Variants in ADAMTSL3 observed in about 807,000 individuals in gnomAD.
ADAMTSL3 encodes ADAMTS like 3, also known as ADAMTS-like protein 3.
ADAMTSL3 carries 128 observed loss-of-function variants against 201.7 expected under a neutral mutation model. That is an observed-to-expected ratio of 0.63 (90% confidence interval 0.55 to 0.73). The LOEUF is 0.73. Among genes scored for constraint, ADAMTSL3 ranks in the 30% least tolerant of loss-of-function variants. ADAMTSL3 has a pLI of 0.00. For synonymous variants in ADAMTSL3, 738 were observed against 748.4 expected (o/e 0.99, Z 0.23); for missense variants, 1,990 against 2,119.6 (o/e 0.94, Z 1.20).
intron 3 of ADAMTSL3, among the ~76,000 whole-genome samples, chr15:83,722,633 AATT>A (rs1278771176): frequency 6.6e-6 from 1 of 152,208 alleles, no homozygotes. Flanking sequence ...CTTCTGAAGA[AATT>A]ATTCATGCAA....
chr15:83,835,655 A>G (rs1277925878), intron 6 of ADAMTSL3, among the ~76,000 whole-genome samples: 1 of 152,196 alleles, frequency 6.6e-6, no homozygotes, highest in Non-Finnish European at 1.5e-5. Context: ...TGTTTCTATA[A>G]TTTAATAGTG....
At chr15:83,894,902 T>C (rs1289474155) in intron 13 of ADAMTSL3, among the ~76,000 whole-genome samples, 3 of 152,190 alleles carry the variant, frequency 2.0e-5, no homozygotes, top group African/African-American at 7.2e-5. Context: ...ACTTAGTTCA[T>C]CGTGTACATG....
intron 8 of ADAMTSL3, among the ~76,000 whole-genome samples, chr15:83,864,805 GAA>G (rs2064939915): frequency 6.6e-6 from 1 of 152,170 alleles, no homozygotes; most frequent in Admixed American, 6.5e-5. Context: ...ATTCAATTAA[GAA>G]AAGAGGAAGT....
At chr15:84,004,826 AATAGCAAATG>A (rs367742486) in intron 23 of ADAMTSL3, among the ~76,000 whole-genome samples, 352 of 152,342 alleles carry the variant, frequency 2.3e-3, no homozygotes, top group African/African-American at 8.1e-3. Context: ...GGTGAAAGGG[AATAGCAAATG>A]ATCTGCAATG....
At chr15:83,885,246 G>A (rs1175417562) in intron 10 of ADAMTSL3, 34 bp downstream of exon 10, 7 of 1,504,098 alleles carry the variant, frequency 4.7e-6, no homozygotes, top group Non-Finnish European at 5.5e-6. Context: ...AATATTTAGA[G>A]CTCAGAGTTA....
rs866429419 is a variant in ADAMTSL3, at chr15:83,822,381, T to G, written c.600+2334T>G. 2.6e-3 allele frequency among the ~76,000 whole-genome samples: 250 copies of G among 97,318 alleles called. 8 individuals are homozygous for G. The highest frequency in any genetic ancestry group is 8.8e-3 in the African/African-American group (199 of 22,488). The allele number at this position is 97,318 out of a possible 152,430, so 63.8% of individuals were successfully genotyped here. A position where few individuals can be genotyped will look rare whatever the true frequency, so the allele number is the denominator to read the frequency against. On this transcript the variant is annotated intron_variant, in intron 6 of 29. Transcript: ENST00000286744. ...GACGGGGCGGCTGCCGGGCGGAGGG[T>G]CTCCTCACTTCTCAGACGGGGCGGT...
Position 83,970,583 on chromosome 15 carries a change from A to AG in ADAMTSL3, c.2593dup (p.Asp865GlyfsTer15). Reference sequence around the variant, plus strand: ...CATCCCCCTCAGTGAGATGATGTGCAGGGATCTACCAGGGCTCCCTCTTGT... The same window carrying AG: ...CATCCCCCTCAGTGAGATGATGTGCAGGGGATCTACCAGGGCTCCCTCTTGT... On this transcript the variant is annotated frameshift_variant, in exon 20 of 30. Transcript: ENST00000286744. LOFTEE classifies it high-confidence loss of function. The AG allele has an allele frequency of 7.4e-6, 12 of 1,614,218 alleles. No homozygotes were observed. Among genetic ancestry groups the AG allele is most frequent in the Non-Finnish European group, 1.0e-5 (12 of 1,180,020 alleles).
At chr15:83,894,336 G>C (rs2065570847) in intron 13 of ADAMTSL3, among the ~76,000 whole-genome samples, 1 of 152,160 alleles carries the variant, frequency 6.6e-6, no homozygotes, top group African/African-American at 2.4e-5. Flanking sequence ...CTAAAAAGAA[G>C]ATTAGAGAAT....
chr15:83,949,973 T>C (rs1037482489), intron 19 of ADAMTSL3, among the ~76,000 whole-genome samples: 1 of 152,174 alleles, frequency 6.6e-6, no homozygotes, highest in African/African-American at 2.4e-5. Context: ...GTGTCTACTT[T>C]GTTGATTGTT....
At chr15:83,669,074 C>G (rs534370681) in intron 2 of ADAMTSL3, among the ~76,000 whole-genome samples, 2 of 152,154 alleles carry the variant, frequency 1.3e-5, no homozygotes, top group Non-Finnish European at 2.9e-5. Context: ...CAGCCTTGTC[C>G]GATGTTATTA....
intron 2 of ADAMTSL3, among the ~76,000 whole-genome samples, chr15:83,676,169 G>A (rs8031527): frequency 0.15 from 21,849 of 149,890 alleles, 2,146 homozygotes; most frequent in African/African-American, 0.27. Flanking sequence ...ATTTTCTTGG[G>A]GGTAGGATTA....
At chr15:83,714,789 C>CTTTCCTTTCTTTCTTTCTTTCTT (rs2061982262) in intron 3 of ADAMTSL3, among the ~76,000 whole-genome samples, 9 of 75,196 alleles carry the variant, frequency 1.2e-4, no homozygotes, top group African/African-American at 3.9e-4. Flanking sequence ...CTTTCTTTTT[C>CTTTCCTTTCTTTCTTTCTTTCTT]TTTCTCTCTC....
At chr15:83,813,678 T>G (rs1228461122) in intron 5 of ADAMTSL3, among the ~76,000 whole-genome samples, 1 of 152,172 alleles carries the variant, frequency 6.6e-6, no homozygotes, top group Non-Finnish European at 1.5e-5. Flanking sequence ...ATTTGGGCTT[T>G]GGGCCTGAAA....
intron 9 of ADAMTSL3, among the ~76,000 whole-genome samples, chr15:83,877,974 A>G (rs555652048): frequency 2.4e-4 from 37 of 152,268 alleles, no homozygotes; most frequent in African/African-American, 6.0e-4. Flanking sequence ...TTTGGATTGT[A>G]TACGTACGCA....
intron 4 of ADAMTSL3, among the ~76,000 whole-genome samples, chr15:83,790,345 C>G (rs574543511): frequency 1.3e-5 from 2 of 150,260 alleles, no homozygotes; most frequent in Non-Finnish European, 3.0e-5. Flanking sequence ...ACAATCCTGT[C>G]AAAAGTATTA....
intron 27 of ADAMTSL3, among the ~76,000 whole-genome samples, chr15:84,027,090 CTA>C: frequency 1.3e-5 from 2 of 152,272 alleles, no homozygotes; most frequent in South Asian, 4.1e-4. Context: ...CACAAATAAA[CTA>C]TCAGCAAGAT....
In ADAMTSL3 at chr15:83,942,619, C is replaced by G. The variant is rs776177632; in HGVS notation, c.2141C>G (p.Pro714Arg). ...AGGTGGCATGTGGGCTCTTGGGGGC[C>G]CTGCTCAGCTACCTGTGGAGTTGGA... ...PPRWHVGSWG[P>R]CSATCGVGIQ... The change falls in exon 18 of 30, where the codon CCC becomes CGC. Residue 714 changes from proline (P) to arginine (R), a missense_variant. Transcript: ENST00000286744. 1.9e-6 allele frequency: 3 copies of G among 1,613,606 alleles called. No individual in the cohort carries two copies. Among genetic ancestry groups the G allele is most frequent in the Non-Finnish European group, 2.5e-6 (3 of 1,179,886 alleles).
At chr15:83,875,452 G>GTC (rs2141839785) in intron 9 of ADAMTSL3, among the ~76,000 whole-genome samples, 1 of 152,296 alleles carries the variant, frequency 6.6e-6, no homozygotes, top group South Asian at 2.1e-4. Context: ...ACACTCATGG[G>GTC]TCCTGCCACT....
Position 83,892,981 on chromosome 15 carries a change from A to C in ADAMTSL3, c.1467+93A>C, listed in dbSNP as rs944681171. On this transcript the variant is annotated intron_variant, in intron 13 of 29. Transcript: ENST00000286744. ...CCATGGTGCTAGACAGCATGGAGAC[A>C]AAAAAAAAGTGGTAAAAGAGCATGG... The C allele has an allele frequency of 4.7e-4, 501 of 1,070,952 alleles. 1 individual carries two copies. The highest frequency in any genetic ancestry group is 6.0e-4 in the Non-Finnish European group (458 of 760,360). The allele number at this position is 1,070,952 out of a possible 1,614,324, so 66.3% of individuals were successfully genotyped here. A position where few individuals can be genotyped will look rare whatever the true frequency, so the allele number is the denominator to read the frequency against.
Sources: allele counts gnomAD v4.1 joint callset (sites outside exome capture counted in the v4.1 genomes callset), GRCh38; gene constraint gnomAD v4.1.1; transcripts MANE v1.5; gene names NCBI Gene and HGNC (gene_info 2026-07-23, HGNC 2026-07-21).